HTT: variants seen among roughly 807,000 people sequenced by gnomAD.
HTT encodes huntington disease protein.
A neutral mutation model predicts 362.3 loss-of-function variants in HTT; 104 were observed. That is an observed-to-expected ratio of 0.29 (90% confidence interval 0.24 to 0.34). The LOEUF (loss-of-function observed/expected upper bound fraction) is 0.34, where lower values mean the gene tolerates loss of function less well. Ranked by LOEUF, HTT falls within the 10% of genes least tolerant of loss-of-function variation. The pLI is 1.00. For missense variants in HTT, 3,301 were observed against 3,928.6 expected (o/e 0.84, Z 4.27); for synonymous variants, 1,577 against 1,548.7 (o/e 1.02, Z -0.43).
intron 1 of HTT, among the ~76,000 whole-genome samples, chr4:3,077,399 C>T (rs1285975631): frequency 6.6e-6 from 1 of 151,934 alleles, no homozygotes; most frequent in Non-Finnish European, 1.5e-5. Flanking sequence ...GCTCTAAAAA[C>T]AAAAGTAGTT....
intron 12 of HTT, chr4:3,128,712 A>G (rs559043671): frequency 2.0e-5 from 3 of 152,364 alleles, no homozygotes; most frequent in African/African-American, 4.8e-5. Context: ...AATGTTTGCT[A>G]CAAGTCCATG....
chr4:3,212,875 A>G (rs1019483770), intron 49 of HTT, 166 bp downstream of exon 49: 13 of 722,160 alleles, frequency 1.8e-5, no homozygotes, highest in Middle Eastern at 4.0e-4. Flanking sequence ...TATTGTAGCC[A>G]TCCTTCACCC....
At chr4:3,224,512 C>T (rs1211810238) in intron 56 of HTT, among the ~76,000 whole-genome samples, 1 of 152,184 alleles carries the variant, frequency 6.6e-6, no homozygotes, top group Non-Finnish European at 1.5e-5. Context: ...CAGGGCAGGG[C>T]ACAGCTGGGC....
rs1345145847 is a variant in HTT, at chr4:3,083,546, C to T, written c.264-3393C>T. Among the ~76,000 whole-genome samples the T allele has an allele frequency of 4.4e-3, 557 of 127,678 alleles. 12 individuals are homozygous for T. Among genetic ancestry groups the T allele is most frequent in the African/African-American group, 0.014 (392 of 27,216 alleles). The allele number at this position is 127,678 out of a possible 152,430, so 83.8% of individuals were successfully genotyped here. On this transcript the variant is annotated intron_variant, in intron 1 of 66. Transcript: ENST00000355072. ...CTCTAAATATACACACACACACACA[C>T]ACACACACACACACACACACACACA...
chr4:3,211,844 C>CT, intron 47 of HTT, 85 bp from the exon 48 acceptor site: 1 of 996,388 alleles, frequency 1.0e-6, no homozygotes, highest in Non-Finnish European at 1.6e-6. Flanking sequence ...TTGCCTTATT[C>CT]TTTTTTCTGT....
chr4:3,173,615 T>A (rs1718093340), intron 31 of HTT, among the ~76,000 whole-genome samples: 1 of 152,114 alleles, frequency 6.6e-6, no homozygotes, highest in African/African-American at 2.4e-5. Context: ...GCATCTTGGA[T>A]ATATTACCTT....
At chr4:3,078,318 C>T (rs1339295333) in intron 1 of HTT, among the ~76,000 whole-genome samples, 5 of 152,170 alleles carry the variant, frequency 3.3e-5, no homozygotes, top group African/African-American at 9.7e-5. Flanking sequence ...AAGCTCTGCC[C>T]TCGTGAAGCT....
In HTT at chr4:3,132,871, A is replaced by G; in HGVS notation, c.2453A>G (p.Glu818Gly). The part of the protein sequence containing the change: ...IPLLRKTLKD[E>G]SSVTCKLACT... ...TTGCTGCGGAAAACACTGAAGGATG[A>G]GTCTTCTGTTACTTGCAAGTTAGCT... is the stretch of plus-strand genomic sequence containing the variant. Residue 818 changes from glutamate (E) to glycine (G), a missense_variant, in exon 18 of 67, where the codon GAG (glutamate) becomes GGG (glycine). Physicochemically the swap from Glu to Gly is moderately conservative, Grantham distance 98 (BLOSUM62 -2). Around this residue, in one of 4 missense-constraint regions of HTT, gnomAD observed 2,316 missense variants for 2,658.5 expected, o/e 0.87. Coordinates refer to ENST00000355072, the MANE Select transcript of HTT (RefSeq NM_001388492.1). 1 of 1,614,136 alleles carries G rather than the reference A, an allele frequency of 6.2e-7. No homozygotes were observed. The highest frequency in any genetic ancestry group is 8.5e-7 in the Non-Finnish European group (1 of 1,179,962).
At chr4:3,229,215 AACAC>A (rs768566161) in intron 59 of HTT, among the ~76,000 whole-genome samples, 2 of 145,988 alleles carry the variant, frequency 1.4e-5, no homozygotes, top group African/African-American at 2.6e-5. Flanking sequence ...CCATACACAC[AACAC>A]ACACAGCACA....
intron 29 of HTT, 36 bp from the exon 30 acceptor site, chr4:3,172,284 T>G (rs1389872739): frequency 7.0e-6 from 8 of 1,149,316 alleles, no homozygotes; most frequent in Non-Finnish European, 1.1e-5. Flanking sequence ...ACGGGTCATC[T>G]CTGAGTCGCT....
At chr4:3,194,919 G>A (rs1053782639) in intron 40 of HTT, among the ~76,000 whole-genome samples, 5 of 152,184 alleles carry the variant, frequency 3.3e-5, no homozygotes, top group East Asian at 3.9e-4. Context: ...TTTCTCATGG[G>A]TATGTGGTAG....
chr4:3,145,303 TTTTC>T, intron 24 of HTT, 75 bp downstream of exon 24: 1 of 1,032,730 alleles, frequency 9.7e-7, no homozygotes, highest in Non-Finnish European at 1.5e-6. Context: ...AGGATGCCCT[TTTTC>T]TTTCTTTTTA....
At position 3,212,592 on chromosome 4, in the gene HTT, C is replaced by T. The variant is rs746491906; in HGVS notation, c.6657C>T (p.Pro2219=). ...ATGCTGCACTGTATCAGTCCCTGCC[C>T]ACTCTGGCCCGGGCCCTGGCACAGT... ...FGDAALYQSL[P]TLARALAQYL... is the part of the protein sequence containing the mutation. The change falls in exon 49 of 67, where the codon CCC becomes CCT. Residue 2219 remains proline (P), a synonymous_variant. Transcript: ENST00000355072. The T allele has an allele frequency of 3.1e-6, 5 of 1,614,104 alleles. No homozygotes were observed. Among genetic ancestry groups the T allele is most frequent in the Non-Finnish European group, 4.2e-6 (5 of 1,180,038 alleles).
intron 47 of HTT, 57 bp downstream of exon 47, chr4:3,210,006 G>A (rs1720072637): frequency 1.9e-6 from 3 of 1,594,768 alleles, no homozygotes; most frequent in South Asian, 2.2e-5. Flanking sequence ...ACTTCCAAGT[G>A]GGATTTGTCT....
At chr4:3,129,805 G>T (rs1456685930) in intron 12 of HTT, 119 bp from the exon 13 acceptor site, 6 of 1,175,140 alleles carry the variant, frequency 5.1e-6, no homozygotes, top group Non-Finnish European at 7.6e-6. Context: ...AATGACAGAT[G>T]AGTACATTTG....
At position 3,172,394 on chromosome 4, in the gene HTT, A is replaced by G; in HGVS notation, c.3939A>G (p.Gln1313=). 3 of 1,599,202 alleles carry G rather than the reference A, an allele frequency of 1.9e-6. No homozygotes were observed. The highest frequency in any genetic ancestry group is 2.6e-6 in the Non-Finnish European group (3 of 1,166,330). Residue 1313 remains glutamine, a synonymous_variant, in exon 30 of 67, where the codon CAA becomes CAG. Coordinates refer to ENST00000355072, the MANE Select transcript of HTT (RefSeq NM_001388492.1). ...CAATGATGGCAACTGTTTGTGTTCA[A>G]CAAGTAAGAGCTTCATTCTTTTCCT... ...REPMMATVCV[Q]QLLKTLFGTN... is the part of the protein sequence containing the mutation.
intron 26 of HTT, among the ~76,000 whole-genome samples, chr4:3,148,832 C>G (rs546753229): frequency 6.6e-6 from 1 of 152,274 alleles, no homozygotes; most frequent in Non-Finnish European, 1.5e-5. Context: ...TGGTGCGTGC[C>G]TGTAATCCCA....
At chr4:3,220,043 G>A (rs1720602006) in intron 52 of HTT, 139 bp from the exon 53 acceptor site, 2 of 880,992 alleles carry the variant, frequency 2.3e-6, no homozygotes, top group African/African-American at 1.7e-5. Flanking sequence ...TGTTTTCTGG[G>A]GGAGAAGGTG....
chr4:3,113,533 T>A (rs1011499011), intron 6 of HTT, among the ~76,000 whole-genome samples: 1 of 152,216 alleles, frequency 6.6e-6, no homozygotes, highest in Non-Finnish European at 1.5e-5. Flanking sequence ...TTTCACCATG[T>A]TGGCCAGGTT....
Sources: gnomAD v4.1 joint callset for allele counts (sites outside exome capture counted in the v4.1 genomes callset) on GRCh38, gnomAD v4.1.1 for gene constraint, gnomAD v4.1.1 regional missense constraint, MANE v1.5 for transcripts, NCBI Gene and HGNC (gene_info 2026-07-23, HGNC 2026-07-21) for gene names.